Variants in FRMPD3 observed in about 807,000 individuals in gnomAD.
FRMPD3 encodes the protein FERM and PDZ domain containing 3, also known as FERM and PDZ domain-containing protein 3.
In FRMPD3, 42 loss-of-function variants were observed where a neutral mutation model predicts 97.9. The ratio of observed to expected loss-of-function variants is 0.43; its 90% CI spans 0.34 to 0.55. FRMPD3 has a LOEUF of 0.55. FRMPD3 is among the 20% of genes least tolerant of loss of function. The pLI, the probability that FRMPD3 is intolerant of heterozygous loss-of-function variation, is 0.03. For missense variants in FRMPD3, 1,303 were observed against 1,457.7 expected (o/e 0.89, Z 1.73); for synonymous variants, 577 against 581.1 (o/e 0.99, Z 0.10).
chrX:107,541,173 A>G (rs1415458987), intron 4 of FRMPD3, among the ~76,000 whole-genome samples: 1 of 113,138 alleles, frequency 8.8e-6, no homozygotes, highest in East Asian at 2.8e-4. Context: ...TACCGCATTC[A>G]CATTTTGACC....
chrX:107,486,654 G>A (rs780339205), intron 1 of FRMPD3, among the ~76,000 whole-genome samples: 4 of 111,834 alleles, frequency 3.6e-5, no homozygotes, highest in Non-Finnish European at 7.5e-5. Flanking sequence ...TCGATTGACT[G>A]TAGATAAATG....
intron 3 of FRMPD3, 80 bp downstream of exon 3, chrX:107,530,591 C>A: frequency 2.8e-6 from 2 of 703,063 alleles, no homozygotes; most frequent in Non-Finnish European, 4.4e-6. Context: ...CACTATCCCC[C>A]CCTCGCTCTG....
intron 8 of FRMPD3, among the ~76,000 whole-genome samples, chrX:107,557,795 GTCTATATATATATA>G (rs1422215920): frequency 8.6e-4 from 23 of 26,606 alleles, no homozygotes; most frequent in South Asian, 2.9e-3. Flanking sequence ...AAAATCTGTT[GTCTATATATATATA>G]TATATATATA....
intron 1 of FRMPD3, among the ~76,000 whole-genome samples, chrX:107,521,680 C>G (rs895415085): frequency 3.6e-5 from 4 of 112,121 alleles, no homozygotes; most frequent in Non-Finnish European, 7.5e-5. Flanking sequence ...CATGCTGGAT[C>G]TCTAGAGCTT....
At chrX:107,455,488 C>T (rs1286846805) in intron 1 of FRMPD3, among the ~76,000 whole-genome samples, 1 of 111,807 alleles carries the variant, frequency 8.9e-6, no homozygotes, top group East Asian at 2.8e-4. Flanking sequence ...GGCTTGAACA[C>T]GGGAGGTCGA....
At position 107,576,434 on chromosome X, in the gene FRMPD3, A is replaced by G. The variant is rs767334790; in HGVS notation, c.1416A>G (p.Pro472=). The change falls in exon 13 of 15, where the codon CCA becomes CCG. Residue 472 remains proline (P), a synonymous_variant. Transcript: ENST00000683843. ...KMVFSRPASQ[P]LPPPMIKADY... is the part of the protein sequence containing the mutation. ...TCTTCTCCAGGCCTGCCAGCCAGCC[A>G]CTTCCACCTCCAATGATCAAGGCAG... 4 of 1,210,724 alleles carry G rather than the reference A, an allele frequency of 3.3e-6. No individual in the cohort carries two copies. The Admixed American group carries it at 8.7e-5, about 26-fold the overall frequency.
At position 107,600,894 on chromosome X, in the gene FRMPD3, C is replaced by A. The variant is rs764933057; in HGVS notation, c.2855C>A (p.Thr952Asn). 1 of 1,209,856 alleles carries A rather than the reference C, an allele frequency of 8.3e-7. No homozygotes were observed. The highest frequency in any genetic ancestry group is 1.1e-6 in the Non-Finnish European group (1 of 894,978). Residue 952 changes from threonine to asparagine, a missense_variant, in exon 15 of 15, where the codon ACC becomes AAC. Thr to Asn is a moderately conservative substitution (Grantham distance 65). Coordinates refer to ENST00000683843, the MANE Select transcript of FRMPD3 (RefSeq NM_001388459.1). The part of the protein sequence containing the change: ...KLILDPKSSV[T>N]PAIISAALQQ... ...ATCCTCGACCCAAAGAGCAGTGTGA[C>A]CCCTGCCATCATCTCGGCCGCCCTA...
At position 107,601,624 on chromosome X, in the gene FRMPD3, T is replaced by A. The variant is rs1924514764; in HGVS notation, c.3585T>A (p.Asn1195Lys). The A allele has an allele frequency of 8.3e-7, 1 of 1,210,566 alleles. No individual in the cohort carries two copies. Among genetic ancestry groups the A allele is most frequent in the East Asian group, 3.0e-5 (1 of 33,824 alleles). Residue 1195 changes from asparagine (N) to lysine (K), a missense_variant, in exon 15 of 15, where the codon AAT becomes AAA. Physicochemically the swap from Asn to Lys is moderately conservative, Grantham distance 94. Around this residue, in one of 3 missense-constraint regions of FRMPD3, gnomAD observed 764 missense variants for 820.2 expected, o/e 0.93. Coordinates refer to ENST00000683843, the MANE Select transcript of FRMPD3 (RefSeq NM_001388459.1). ...MPSRKLETTL[N>K]GAHSTSEGPA... ...CTAGGAAGCTTGAAACAACTCTCAATGGAGCCCACTCGACCTCTGAAGGCC... is the reference window on the plus strand; with the variant it reads ...CTAGGAAGCTTGAAACAACTCTCAAAGGAGCCCACTCGACCTCTGAAGGCC...
chrX:107,458,387 G>A (rs746728600), intron 1 of FRMPD3, among the ~76,000 whole-genome samples: 35 of 112,427 alleles, frequency 3.1e-4, no homozygotes, highest in African/African-American at 1.1e-3. Context: ...GCACTGTAGG[G>A]GTTCAAAGCA....
chrX:107,529,316 A>G (rs1394779299), intron 2 of FRMPD3, among the ~76,000 whole-genome samples: 3 of 111,601 alleles, frequency 2.7e-5, no homozygotes, highest in African/African-American at 9.8e-5. Context: ...CAGGCACAGT[A>G]GCTCACGTCT....
intron 1 of FRMPD3, among the ~76,000 whole-genome samples, chrX:107,497,988 G>C (rs1602761348): frequency 9.0e-6 from 1 of 111,395 alleles, no homozygotes; most frequent in Non-Finnish European, 1.9e-5. Context: ...ACTGCTCCCC[G>C]ATCTTACCTG....
At chrX:107,459,996 C>T (rs1268286406) in intron 1 of FRMPD3, among the ~76,000 whole-genome samples, 1 of 111,689 alleles carries the variant, frequency 9.0e-6, no homozygotes, top group South Asian at 3.8e-4. Context: ...GTTTTGATTT[C>T]TGTAAAGTCT....
rs748979391 is a variant in FRMPD3, at chrX:107,473,337, G to A, written c.-8+23332G>A. On this transcript the variant is annotated intron_variant, in intron 1 of 14. Coordinates refer to ENST00000683843, the MANE Select transcript of FRMPD3 (RefSeq NM_001388459.1). ...GTGGATTCCAGGCCCTGGAACCAGA[G>A]AGGCTGGAAACCTTTCAGTTGGCGG... Among the ~76,000 whole-genome samples, 115 of 112,381 alleles carry A rather than the reference G, an allele frequency of 1.0e-3. 3 individuals are homozygous for A. In the Admixed American group the frequency reaches 0.011, roughly 10 times the overall value.
At chrX:107,478,570 G>GCA (rs754450775) in intron 1 of FRMPD3, among the ~76,000 whole-genome samples, 105 of 111,756 alleles carry the variant, frequency 9.4e-4, no homozygotes, top group Middle Eastern at 4.6e-3. Context: ...ATAAAACCTA[G>GCA]CACAGTTTCA....
At chrX:107,502,018 G>A (rs773309391) in intron 1 of FRMPD3, among the ~76,000 whole-genome samples, 2 of 110,946 alleles carry the variant, frequency 1.8e-5, no homozygotes, top group African/African-American at 6.6e-5. Context: ...ATTATTACAA[G>A]GTTAAGGAGG....
chrX:107,603,175 C>A lies in FRMPD3; in HGVS notation c.5136C>A (p.Ala1712=), dbSNP rs766033243. The stretch of plus-strand genomic sequence containing the variant: ...TGCGTGCAGCTGAGGAGTCCACAGC[C>A]CGTAACCTTAACCAGCAGCAGCAGC... The part of the protein sequence containing the change: ...FLLRAAEEST[A]RNLNQQQQQQ... The change falls in exon 15 of 15, where the codon GCC becomes GCA. Residue 1712 remains alanine (A), a synonymous_variant. Coordinates refer to ENST00000683843, the MANE Select transcript of FRMPD3 (RefSeq NM_001388459.1). 1 of 1,084,405 alleles carries A rather than the reference C, an allele frequency of 9.2e-7. No individual in the cohort carries two copies. Among genetic ancestry groups the A allele is most frequent in the East Asian group, 3.4e-5 (1 of 29,480 alleles). 89.4% of individuals were successfully genotyped at this position (1,084,405 alleles called of 1,213,427 possible).
intron 11 of FRMPD3, among the ~76,000 whole-genome samples, chrX:107,563,420 C>G (rs984750480): frequency 8.9e-6 from 1 of 111,766 alleles, no homozygotes; most frequent in Non-Finnish European, 1.9e-5. Context: ...TCCTCTTCCT[C>G]GATTTGGGGG....
At chrX:107,538,805 A>C (rs1921140564) in intron 4 of FRMPD3, among the ~76,000 whole-genome samples, 2 of 112,088 alleles carry the variant, frequency 1.8e-5, no homozygotes, top group Admixed American at 1.9e-4. Context: ...AATTACAGGC[A>C]TGTGCCACTA....
chrX:107,462,761 C>T (rs1931498445), intron 1 of FRMPD3, among the ~76,000 whole-genome samples: 1 of 112,034 alleles, frequency 8.9e-6, no homozygotes, highest in African/African-American at 3.2e-5. Context: ...CAGTTGCCCC[C>T]TTTGCCCATC....
Sources: gnomAD v4.1 joint callset for allele counts (sites outside exome capture counted in the v4.1 genomes callset) on GRCh38, gnomAD v4.1.1 for gene constraint, gnomAD v4.1.1 regional missense constraint, MANE v1.5 for transcripts, NCBI Gene and HGNC (gene_info 2026-07-23, HGNC 2026-07-21) for gene names.